Variants in MROH7 observed in about 807,000 individuals in gnomAD.
MROH7 encodes maestro heat like repeat family member 7, also known as maestro heat-like repeat-containing protein family member 7.
Under a neutral mutation model 129.2 loss-of-function variants are expected in MROH7, and 113 were observed. That is an observed-to-expected ratio of 0.87 (90% CI 0.75 to 1.02). The LOEUF (loss-of-function observed/expected upper bound fraction) is 1.02. Among genes scored for constraint, MROH7 ranks in the 50% least tolerant of loss-of-function variants. The pLI, the probability that MROH7 is intolerant of heterozygous loss-of-function variation, is 0.00. For synonymous variants in MROH7, 655 were observed against 667.9 expected (o/e 0.98, Z 0.30); for missense variants, 1,601 against 1,671.3 (o/e 0.96, Z 0.73).
rs371435764 is a variant in MROH7 at position 54,702,691 on chromosome 1, C to A, written c.3510C>A (p.Ser1170Arg). Reference sequence around the variant, plus strand: ...GGGAGTTGCCAAAAAGAGCTTATAGCCGGAAGCCCTGGGACAACCAACAGC... The same window carrying A: ...GGGAGTTGCCAAAAAGAGCTTATAGACGGAAGCCCTGGGACAACCAACAGC... ...MAWELPKRAY[S>R]RKPWDNQQQT... Residue 1170 changes from serine to arginine, a missense_variant, in exon 21 of 24, where the codon AGC becomes AGA. Transcript: ENST00000421030. 6.2e-7 allele frequency: 1 copy of A among 1,613,726 alleles called. No homozygotes were observed. The highest frequency in any genetic ancestry group is 8.5e-7 in the Non-Finnish European group (1 of 1,179,852).
At chr1:54,675,272 A>G (rs1644963201) in intron 10 of MROH7, among the ~76,000 whole-genome samples, 1 of 152,228 alleles carries the variant, frequency 6.6e-6, no homozygotes, top group African/African-American at 2.4e-5. Context: ...CACCATGCCT[A>G]GCCTAAATTC....
rs775510052 is a variant in MROH7, at chr1:54,653,618, A to G, written c.692A>G (p.Asn231Ser). 31 of 1,614,026 alleles carry G rather than the reference A, an allele frequency of 1.9e-5. No individual in the cohort carries two copies. Among genetic ancestry groups the G allele is most frequent in the South Asian group, 4.4e-5 (4 of 91,084 alleles). The change falls in exon 3 of 24, where the codon AAT (asparagine) becomes AGT (serine). Residue 231 changes from asparagine (N) to serine (S), a missense_variant. Transcript: ENST00000421030. ...AGAAACACCTCCAAGCTGAACCTGAATGTAGCTCCAGATTCTCATGGGACC... is the reference window on the plus strand; with the variant it reads ...AGAAACACCTCCAAGCTGAACCTGAGTGTAGCTCCAGATTCTCATGGGACC... ...GSRNTSKLNL[N>S]VAPDSHGTLI...
chr1:54,668,997 C>A, intron 5 of MROH7, 60 bp downstream of exon 5: 1 of 1,303,172 alleles, frequency 7.7e-7, no homozygotes, highest in Non-Finnish European at 1.1e-6. Context: ...ATTCCTGAGT[C>A]CACCCACTGA....
At chr1:54,705,302 G>C (rs1645515087) in intron 21 of MROH7, among the ~76,000 whole-genome samples, 1 of 152,178 alleles carries the variant, frequency 6.6e-6, no homozygotes, top group South Asian at 2.1e-4. Flanking sequence ...TCATTCATTT[G>C]TTCATTCATT....
intron 14 of MROH7, among the ~76,000 whole-genome samples, chr1:54,683,570 C>T (rs1252380814): frequency 1.3e-5 from 2 of 152,218 alleles, no homozygotes; most frequent in Non-Finnish European, 2.9e-5. Flanking sequence ...TGCACATCTC[C>T]TCTTCTCAGC....
intron 15 of MROH7, among the ~76,000 whole-genome samples, chr1:54,687,045 CTTAT>C (rs143476331): frequency 0.35 from 50,378 of 145,320 alleles, 8,842 homozygotes; most frequent in Non-Finnish European, 0.36. Context: ...GAGCTGTCTC[CTTAT>C]TTATTTATTT....
In MROH7 at chr1:54,676,816, C is replaced by T. The variant is rs368811104; in HGVS notation, c.1937-1926C>T. On this transcript the variant is annotated intron_variant, in intron 10 of 23. Transcript: ENST00000421030. ...CTCCACCTCCCGGGTTCAAGAGATT[C>T]TCCTGCCTTAGCCTCCTGAGTAGCT... Among the ~76,000 whole-genome samples, 10 of 151,954 alleles carry T rather than the reference C, an allele frequency of 6.6e-5. No homozygotes were observed. In the South Asian group the frequency reaches 2.1e-3, roughly 32 times the overall value.
intron 15 of MROH7, among the ~76,000 whole-genome samples, chr1:54,689,559 C>T (rs1645201756): frequency 6.6e-6 from 1 of 152,182 alleles, no homozygotes; most frequent in East Asian, 1.9e-4. Flanking sequence ...GTCACATCCT[C>T]CTGAGAGGAG....
At chr1:54,699,166 T>TC (rs1491189839) in intron 17 of MROH7, 5 of 129,316 alleles carry the variant, frequency 3.9e-5, no homozygotes, top group African/African-American at 1.5e-4. Flanking sequence ...TTCTTTTCTT[T>TC]CTTTCTTTCT....
chr1:54,674,578 T>G (rs1190655706), intron 10 of MROH7, among the ~76,000 whole-genome samples: 1 of 152,168 alleles, frequency 6.6e-6, no homozygotes, highest in Non-Finnish European at 1.5e-5. Context: ...TGGCACATGG[T>G]GGGTGCTCAG....
At chr1:54,654,277 T>C (rs2101068951) in intron 3 of MROH7, 120 bp downstream of exon 3, 1 of 1,021,216 alleles carries the variant, frequency 9.8e-7, no homozygotes, top group Non-Finnish European at 1.4e-6. Context: ...TAACATATGA[T>C]TTATTAATTC....
chr1:54,686,267 G>A lies in MROH7; in HGVS notation c.2530G>A (p.Gly844Ser), dbSNP rs777096703. ...ASIVPLAAAS[G>S]LCELLSVNSC... ...CCCCTCTGCCCCATAGGCAGCCAGC[G>A]GCCTGTGCGAGCTCCTGTCCGTCAA... Residue 844 changes from glycine to serine, a missense_variant, in exon 15 of 24, where the codon GGC (glycine) becomes AGC (serine). Gly to Ser is a moderately conservative substitution (Grantham distance 56). Coordinates refer to ENST00000421030, the MANE Select transcript of MROH7 (RefSeq NM_001039464.4). The A allele has an allele frequency of 2.0e-5, 33 of 1,612,764 alleles. No homozygotes were observed. Among genetic ancestry groups the A allele is most frequent in the Non-Finnish European group, 2.7e-5 (32 of 1,179,398 alleles).
At position 54,648,426 on chromosome 1, in the gene MROH7, C is replaced by T. The variant is rs139540936; in HGVS notation, c.-109-3523C>T. Among the ~76,000 whole-genome samples, 96 of 151,606 alleles carry T rather than the reference C, an allele frequency of 6.3e-4. 2 individuals carry two copies. In the East Asian group the frequency reaches 0.013, roughly 20 times the overall value. ...TGTTGCCCAGGCTAGAGTGCAGTGG[C>T]GCAATCTCGGCTCACTGCAACCTCT... On this transcript the variant is annotated intron_variant, in intron 1 of 23. Coordinates refer to ENST00000421030, the MANE Select transcript of MROH7 (RefSeq NM_001039464.4).
intron 3 of MROH7, among the ~76,000 whole-genome samples, chr1:54,656,962 G>A (rs1260819483): frequency 6.6e-6 from 1 of 151,844 alleles, no homozygotes; most frequent in Non-Finnish European, 1.5e-5. Flanking sequence ...CAAGGCAGGA[G>A]GATCACTTGA....
chr1:54,670,382 A>G (rs1311468176), intron 5 of MROH7, 115 bp from the exon 6 acceptor site: 2 of 759,388 alleles, frequency 2.6e-6, no homozygotes, highest in Non-Finnish European at 4.4e-6. Flanking sequence ...AGGCGGGAGG[A>G]GCACTTGAGG....
At chr1:54,659,700 G>T (rs1241714594) in intron 3 of MROH7, among the ~76,000 whole-genome samples, 5 of 152,168 alleles carry the variant, frequency 3.3e-5, no homozygotes, top group Non-Finnish European at 5.9e-5. Context: ...TGATCCACCT[G>T]CCTCGGCCTC....
At chr1:54,645,651 C>CTTTTTTTTTTTTTTT (rs780480424) in intron 1 of MROH7, among the ~76,000 whole-genome samples, 13 of 110,218 alleles carry the variant, frequency 1.2e-4, no homozygotes, top group African/African-American at 1.8e-4. Context: ...TTCTTTCTTT[C>CTTTTTTTTTTTTTTT]TTTCTTTTTT....
Position 54,671,634 on chromosome 1 carries a change from G to A in MROH7, c.1599+705G>A, listed in dbSNP as rs1044125225. Among the ~76,000 whole-genome samples the A allele has an allele frequency of 1.2e-4, 18 of 152,338 alleles. No individual in the cohort carries two copies. In the East Asian group the frequency reaches 2.9e-3, roughly 24 times the overall value. Reference sequence around the variant, plus strand: ...ACCTCTCCAGGCATTCCTGGGAGGAGGGGTGGAGGTGACCCTCAGGGTAGG... The same window carrying A: ...ACCTCTCCAGGCATTCCTGGGAGGAAGGGTGGAGGTGACCCTCAGGGTAGG... On this transcript the variant is annotated intron_variant, in intron 7 of 23. Coordinates refer to ENST00000421030, the MANE Select transcript of MROH7 (RefSeq NM_001039464.4).
chr1:54,692,898 C>T (rs1645262394), intron 16 of MROH7, among the ~76,000 whole-genome samples: 1 of 152,220 alleles, frequency 6.6e-6, no homozygotes, highest in African/African-American at 2.4e-5. Flanking sequence ...GATGGCCTGA[C>T]TGCATCTGAA....
Sources: allele counts gnomAD v4.1 joint callset (sites outside exome capture counted in the v4.1 genomes callset), GRCh38; gene constraint gnomAD v4.1.1; transcripts MANE v1.5; gene names NCBI Gene and HGNC (gene_info 2026-07-23, HGNC 2026-07-21).